TTN: variants seen among roughly 807,000 people sequenced by gnomAD.
The protein encoded by TTN is titin.
A neutral mutation model predicts 3,223.0 loss-of-function variants in TTN; 1,525 were observed. The ratio of observed to expected loss-of-function variants is 0.47; its 90% CI spans 0.45 to 0.49. The LOEUF (loss-of-function observed/expected upper bound fraction) is 0.49, where lower values mean the gene tolerates loss of function less well. TTN is among the 20% of genes least tolerant of loss of function. The pLI, the probability that TTN is intolerant of heterozygous loss-of-function variation, is 0.00. For synonymous variants in TTN, 14,094 were observed against 15,161.0 expected (o/e 0.93, Z 5.17); for missense variants, 40,786 against 43,424.0 (o/e 0.94, Z 5.40).
chr2:178,755,923 T>G (rs925074302), intron 46 of TTN, among the ~76,000 whole-genome samples: 1 of 152,212 alleles, frequency 6.6e-6, no homozygotes, highest in African/African-American at 2.4e-5. Context: ...CATTTTAACT[T>G]TGCTACACTT....
In TTN at chr2:178,579,111, A is replaced by G. The variant is rs1060500506; in HGVS notation, c.67919T>C (p.Val22640Ala). The G allele has an allele frequency of 1.1e-5, 17 of 1,613,282 alleles. No individual in the cohort carries two copies. Among genetic ancestry groups the G allele is most frequent in the Non-Finnish European group, 1.4e-5 (16 of 1,179,542 alleles). Residue 22640 changes from valine (V) to alanine (A), a missense_variant, in exon 320 of 363, where the codon GTT (valine) becomes GCT (alanine). By Grantham distance (64) the Val-to-Ala change is moderately conservative (BLOSUM62 0). Coordinates refer to ENST00000589042, the MANE Select transcript of TTN (RefSeq NM_001267550.2). ...AGTGGGGATGCCAGGCTTGCCAACA[A>G]CCTTTATGGAGATAGTTCCTTCCTT... is the stretch of plus-strand genomic sequence containing the variant. ...GTKEGTISIK[V>A]VGKPGIPTGP...
intron 150 of TTN, 69 bp from the exon 151 acceptor site, chr2:178,674,478 A>G (rs1031441080): frequency 3.1e-6 from 3 of 952,596 alleles, no homozygotes. Context: ...CAGTGATAAT[A>G]TCTGAAAACT....
chr2:178,580,674 G>A (rs1559499329), intron 316 of TTN, 65 bp from the exon 317 acceptor site: 1 of 1,433,306 alleles, frequency 7.0e-7, no homozygotes, highest in Non-Finnish European at 9.5e-7. Flanking sequence ...CCAGGGACTG[G>A]CCTTGTCACT....
At chr2:178,805,967 T>C (rs933724546) in intron 1 of TTN, among the ~76,000 whole-genome samples, 3 of 152,212 alleles carry the variant, frequency 2.0e-5, no homozygotes, top group African/African-American at 7.2e-5. Context: ...ACCTAATTAT[T>C]CAACATGACT....
chr2:178,619,862 A>G lies in TTN; in HGVS notation c.46455T>C (p.Pro15485=), dbSNP rs1326446097. Residue 15485 remains proline (P), a synonymous_variant, in exon 250 of 363, where the codon CCT becomes CCC. Transcript: ENST00000589042. ...CAGGGGCTTCAAGAATATCTTGTGG[A>G]GGCCTGATGATCTCAACAGGAATTT... is the stretch of plus-strand genomic sequence containing the variant. ...VEEIPVEIIR[P]PQDILEAPGA... is the part of the protein sequence containing the mutation. The G allele has an allele frequency of 6.2e-7, 1 of 1,611,092 alleles. No homozygotes were observed. The highest frequency in any genetic ancestry group is 8.5e-7 in the Non-Finnish European group (1 of 1,178,710).
chr2:178,613,352 A>G (rs1442533415), intron 263 of TTN, 76 bp from the exon 264 acceptor site: 2 of 1,092,382 alleles, frequency 1.8e-6, no homozygotes, highest in Non-Finnish European at 2.6e-6. Context: ...TACACAGAAG[A>G]GACTAATTTA....
chr2:178,693,187 A>C (rs750951021), intron 119 of TTN, among the ~76,000 whole-genome samples: 15 of 152,162 alleles, frequency 9.9e-5, no homozygotes, highest in Non-Finnish European at 1.5e-4. Context: ...AAATGCAGTA[A>C]AATAGGAGTT....
In TTN at chr2:178,614,488, A is replaced by C; in HGVS notation, c.49026T>G (p.Ala16342=). ...EAVNVCGRAT[A]VVEVNVLDKP... ...TACCTAAGACGTTCACTTCCACCAC[A>C]GCAGTGGCCCGGCCACACACATTCA... is the stretch of plus-strand genomic sequence containing the variant. Residue 16342 remains alanine (A), a synonymous_variant, in exon 261 of 363, where the codon GCT becomes GCG. Coordinates refer to ENST00000589042, the MANE Select transcript of TTN (RefSeq NM_001267550.2). 3 of 1,608,650 alleles carry C rather than the reference A, an allele frequency of 1.9e-6. No individual in the cohort carries two copies. The highest frequency in any genetic ancestry group is 2.5e-6 in the Non-Finnish European group (3 of 1,176,982).
At chr2:178,766,856 C>G (rs1232144163) in intron 40 of TTN, among the ~76,000 whole-genome samples, 1 of 152,110 alleles carries the variant, frequency 6.6e-6, no homozygotes, top group Non-Finnish European at 1.5e-5. Flanking sequence ...GGAGCTGCCC[C>G]AAAGAGACAA....
chr2:178,605,273 A>G lies in TTN; in HGVS notation c.53904T>C (p.Arg17968=), dbSNP rs568053342. 7 of 1,592,810 alleles carry G rather than the reference A, an allele frequency of 4.4e-6. No individual in the cohort carries two copies. The East Asian group carries it at 1.6e-4, about 36-fold the overall frequency. Residue 17968 remains arginine (R), a synonymous_variant, in exon 280 of 363, where the codon CGT becomes CGC. Transcript: ENST00000589042. ...DDEVPPTIKL[R]LSVRGDTIKV... is the part of the protein sequence containing the mutation. ...TGATAGTGTCTCCTCGAACACTCAG[A>G]CGCAACTTAATAGTTGGAGGCACTG...
chr2:178,731,200 G>A lies in TTN; in HGVS notation c.17465C>T (p.Pro5822Leu), dbSNP rs2080418821. ...CACAGCTTCCTCGGTGATTGTTGCA[G>A]GTTCTGTAGAAAACAAAGGGATAGA... The part of the protein sequence containing the change: ...RCSALLSVKE[P>L]ATITEEAVSI... The change falls in exon 60 of 363, where the codon CCT (proline) becomes CTT (leucine). Residue 5822 changes from proline (P) to leucine (L), a missense_variant. By Grantham distance (98) the Pro-to-Leu change is moderately conservative. Transcript: ENST00000589042. 12 of 1,612,652 alleles carry A rather than the reference G, an allele frequency of 7.4e-6. No homozygotes were observed. The East Asian group carries it at 2.5e-4, about 33-fold the overall frequency.
rs765653425 is a variant in TTN, at chr2:178,565,099, C to A, written c.81033G>T (p.Glu27011Asp). 9 of 1,613,604 alleles carry A rather than the reference C, an allele frequency of 5.6e-6. No homozygotes were observed. Among genetic ancestry groups the A allele is most frequent in the Middle Eastern group, 1.7e-4 (1 of 6,052 alleles). ...AAGTGGTGGTGGTTGTATCTCGCTT[C>A]TCTACAATGTAGTTGCTTATTTGGC... The part of the protein sequence containing the change: ...GGCQISNYIV[E>D]KRDTTTTTWH... The change falls in exon 326 of 363, where the codon GAG becomes GAT. Residue 27011 changes from glutamate to aspartate, a missense_variant. Coordinates refer to ENST00000589042, the MANE Select transcript of TTN (RefSeq NM_001267550.2).
chr2:178,682,071 G>T (rs1029987696), intron 135 of TTN, among the ~76,000 whole-genome samples: 1 of 151,908 alleles, frequency 6.6e-6, no homozygotes, highest in Non-Finnish European at 1.5e-5. Context: ...TGAAACATCA[G>T]AGACTGAATA....
At chr2:178,556,106 G>A (rs1655749850) in intron 330 of TTN, 1 of 152,196 alleles carries the variant, frequency 6.6e-6, no homozygotes, top group African/African-American at 2.4e-5. Flanking sequence ...CTCAATAAAT[G>A]TTAGCTGCTG....
chr2:178,534,459 C>G lies in TTN; in HGVS notation c.102156G>C (p.Arg34052=). Residue 34052 remains arginine (R), a synonymous_variant, in exon 358 of 363, where the codon CGG becomes CGC. Coordinates refer to ENST00000589042, the MANE Select transcript of TTN (RefSeq NM_001267550.2). ...GAGATTTCCTCTCTTTCACTAACAA[C>G]CGGTCAACAAAATCCATGGCTTCAA... is the stretch of plus-strand genomic sequence containing the variant. ...ISIEAMDFVD[R]LLVKERKSRM... 1 of 1,613,408 alleles carries G rather than the reference C, an allele frequency of 6.2e-7. No homozygotes were observed. The highest frequency in any genetic ancestry group is 8.5e-7 in the Non-Finnish European group (1 of 1,179,814).
chr2:178,652,623 C>T, intron 201 of TTN, 30 bp downstream of exon 201: 1 of 1,612,638 alleles, frequency 6.2e-7, no homozygotes. Context: ...AGAGATAGAT[C>T]TTCTGACGCT....
chr2:178,793,525 T>C lies in TTN; in HGVS notation c.1415A>G (p.Glu472Gly). 1 of 1,613,956 alleles carries C rather than the reference T, an allele frequency of 6.2e-7. No individual in the cohort carries two copies. The highest frequency in any genetic ancestry group is 1.1e-5 in the South Asian group (1 of 91,080). ...PAQEQVRKEA[E>G]KTAVTKVVVA... ...TACTACCTTAGTTACAGCAGTCTTC[T>C]CCGCTTCCTTTCTTACCTGCTTTTC... is the stretch of plus-strand genomic sequence containing the variant. The change falls in exon 9 of 363, where the codon GAG becomes GGG. Residue 472 changes from glutamate (E) to glycine (G), a missense_variant. Physicochemically the swap from Glu to Gly is moderately conservative, Grantham distance 98. Transcript: ENST00000589042.
Position 178,568,023 on chromosome 2 carries a change from A to T in TTN, c.78109T>A (p.Trp26037Arg), listed in dbSNP as rs770807921. The stretch of plus-strand genomic sequence containing the variant: ...ATAATAGTTTTGTTGACCTTTGTCC[A>T]CAAAATACTGTTTCTTTCTTTTCTC... ...LERKERNSIL[W>R]TKVNKTIIHD... is the part of the protein sequence containing the mutation. Residue 26037 changes from tryptophan to arginine, a missense_variant, in exon 326 of 363, where the codon TGG becomes AGG. Transcript: ENST00000589042. 6.2e-7 allele frequency: 1 copy of T among 1,613,380 alleles called. No homozygotes were observed. The highest frequency in any genetic ancestry group is 8.5e-7 in the Non-Finnish European group (1 of 1,179,582).
intron 21 of TTN, among the ~76,000 whole-genome samples, chr2:178,780,851 G>A (rs550846884): frequency 1.3e-5 from 2 of 152,220 alleles, no homozygotes; most frequent in East Asian, 3.9e-4. Flanking sequence ...GAAGGCAACC[G>A]GATTTAGAAT....
Sources: allele counts gnomAD v4.1 joint callset (sites outside exome capture counted in the v4.1 genomes callset), GRCh38; gene constraint gnomAD v4.1.1; transcripts MANE v1.5; gene names NCBI Gene and HGNC (gene_info 2026-07-23, HGNC 2026-07-21).